Variants in FHIT observed in about 807,000 individuals in gnomAD.
FHIT encodes the protein fragile histidine triad diadenosine triphosphatase, also known as bis(5'-adenosyl)-triphosphatase.
In FHIT, 19 loss-of-function variants were observed where a neutral mutation model predicts 17.9. That is an observed-to-expected ratio of 1.06 (90% CI 0.74 to 1.56). The LOEUF (loss-of-function observed/expected upper bound fraction) is 1.56, where lower values mean the gene tolerates loss of function less well. Among genes scored for constraint, FHIT ranks in the 40% most tolerant of loss-of-function variants. The pLI, the probability that FHIT is intolerant of heterozygous loss-of-function variation, is 0.00. For missense variants in FHIT, 248 were observed against 189.2 expected (o/e 1.31, Z -1.82); for synonymous variants, 81 against 69.7 (o/e 1.16, Z -0.81).
At chr3:60,619,887 G>A (rs2039069473) in intron 4 of FHIT, among the ~76,000 whole-genome samples, 1 of 152,062 alleles carries the variant, frequency 6.6e-6, no homozygotes, top group South Asian at 2.1e-4. Flanking sequence ...ACAAGCCAAA[G>A]GCTAGGAGAA....
chr3:60,944,704 C>T (rs1226743464), intron 3 of FHIT, among the ~76,000 whole-genome samples: 1 of 151,992 alleles, frequency 6.6e-6, no homozygotes, highest in Non-Finnish European at 1.5e-5. Flanking sequence ...AAATGAAAGC[C>T]AAATGATATT....
At chr3:60,983,019 A>G (rs1710558183) in intron 3 of FHIT, among the ~76,000 whole-genome samples, 1 of 151,748 alleles carries the variant, frequency 6.6e-6, no homozygotes, top group Admixed American at 6.6e-5. Context: ...AGTCTCCCCA[A>G]CTCCCCTGAA....
At chr3:60,876,060 T>C (rs1312274286) in intron 3 of FHIT, among the ~76,000 whole-genome samples, 1 of 152,014 alleles carries the variant, frequency 6.6e-6, no homozygotes, top group Non-Finnish European at 1.5e-5. Flanking sequence ...AACATAAATT[T>C]TTGACTTCAT....
intron 4 of FHIT, among the ~76,000 whole-genome samples, chr3:60,681,306 AG>A (rs1553696811): frequency 2.6e-5 from 4 of 152,166 alleles, no homozygotes. Context: ...GCCCAATATA[AG>A]ATGGTGAACT....
chr3:60,534,349 C>A (rs1422129076), intron 5 of FHIT, among the ~76,000 whole-genome samples: 1 of 144,280 alleles, frequency 6.9e-6, no homozygotes, highest in African/African-American at 2.5e-5. Context: ...AGGAGAATGG[C>A]GTGAACCCGG....
intron 3 of FHIT, among the ~76,000 whole-genome samples, chr3:60,939,186 A>C (rs1708312963): frequency 6.6e-6 from 1 of 152,166 alleles, no homozygotes; most frequent in African/African-American, 2.4e-5. Context: ...GCTCATATAC[A>C]GTTTTCCATG....
chr3:60,174,618 C>T (rs1253339034), intron 5 of FHIT, among the ~76,000 whole-genome samples: 1 of 147,722 alleles, frequency 6.8e-6, no homozygotes, highest in Non-Finnish European at 1.5e-5. Flanking sequence ...GATTATAAAT[C>T]TATTTGCTTT....
At chr3:59,755,176 G>A (rs1352769057) in intron 8 of FHIT, among the ~76,000 whole-genome samples, 1 of 152,182 alleles carries the variant, frequency 6.6e-6, no homozygotes, top group Non-Finnish European at 1.5e-5. Flanking sequence ...TGCAAACCTT[G>A]CCCTAGAACT....
intron 5 of FHIT, among the ~76,000 whole-genome samples, chr3:60,254,238 G>A (rs973328690): frequency 6.6e-6 from 1 of 152,152 alleles, no homozygotes; most frequent in African/African-American, 2.4e-5. Context: ...TCAGTATCTT[G>A]AGTGAAATCA....
At chr3:60,307,392 G>A (rs1040518204) in intron 5 of FHIT, among the ~76,000 whole-genome samples, 3 of 152,292 alleles carry the variant, frequency 2.0e-5, no homozygotes, top group African/African-American at 7.2e-5. Context: ...AAGGAAGACA[G>A]TGAGATAATA....
intron 5 of FHIT, among the ~76,000 whole-genome samples, chr3:60,452,836 A>C (rs1252628995): frequency 6.6e-6 from 1 of 152,212 alleles, no homozygotes; most frequent in Non-Finnish European, 1.5e-5. Flanking sequence ...AACTCCAAAT[A>C]AGATAGATTA....
rs2228695 is a variant in FHIT at position 59,776,031 on chromosome 3, C to T, written c.349-23710G>A. 1.4e-3 allele frequency among the ~76,000 whole-genome samples: 218 copies of T among 152,302 alleles called. 1 individual carries two copies. The highest frequency in any genetic ancestry group is 3.4e-3 in the Middle Eastern group (1 of 294). Reference sequence around the variant, plus strand: ...GTGAGCTAACACAGCCAAAGTTTGGCGCTGTCACCTCGAAAATGAATTCGA... The same window carrying T: ...GTGAGCTAACACAGCCAAAGTTTGGTGCTGTCACCTCGAAAATGAATTCGA... On this transcript the variant is annotated intron_variant, in intron 8 of 9. Coordinates refer to ENST00000492590, the MANE Select transcript of FHIT (RefSeq NM_002012.4).
At chr3:60,485,807 C>G (rs548858889) in intron 5 of FHIT, among the ~76,000 whole-genome samples, 2 of 152,074 alleles carry the variant, frequency 1.3e-5, no homozygotes, top group Non-Finnish European at 2.9e-5. Context: ...ATGGACAACT[C>G]TCTAGAATCA....
rs1553706124 is a variant in FHIT at position 60,714,456 on chromosome 3, A to G, written c.-18+107463T>C. On this transcript the variant is annotated intron_variant, in intron 4 of 9. Coordinates refer to ENST00000492590, the MANE Select transcript of FHIT (RefSeq NM_002012.4). ...CAGGGCAATTAGGCAGGAGGAGGAA[A>G]TAAAGGGTATTCAATTAGGAAAAGA... 2.6e-5 allele frequency among the ~76,000 whole-genome samples: 4 copies of G among 152,190 alleles called. No individual in the cohort carries two copies. In the South Asian group the frequency reaches 6.2e-4, roughly 24 times the overall value.
At chr3:60,632,648 C>A (rs370423585) in intron 4 of FHIT, among the ~76,000 whole-genome samples, 2 of 152,108 alleles carry the variant, frequency 1.3e-5, no homozygotes, top group African/African-American at 2.4e-5. Context: ...AACAAGCTAA[C>A]GCCATAATTT....
chr3:60,562,266 G>C (rs75670762), intron 4 of FHIT, among the ~76,000 whole-genome samples: 6,782 of 152,246 alleles, frequency 0.045, 502 homozygotes, highest in African/African-American at 0.15. Flanking sequence ...GAACAAAACA[G>C]ACAGTCTCTA....
intron 2 of FHIT, among the ~76,000 whole-genome samples, chr3:61,061,842 C>T (rs2034442264): frequency 6.6e-6 from 1 of 152,132 alleles, no homozygotes; most frequent in African/African-American, 2.4e-5. Context: ...TCTTCTTTTT[C>T]CCATCCCTCT....
At chr3:60,619,850 G>A (rs2156974) in intron 4 of FHIT, among the ~76,000 whole-genome samples, 71,530 of 151,902 alleles carry the variant, frequency 0.47, 17,024 homozygotes, top group South Asian at 0.54. Context: ...ACGTCTCCTT[G>A]ATATAAGACA....
intron 4 of FHIT, among the ~76,000 whole-genome samples, chr3:60,738,520 C>G (rs149400044): frequency 2.4e-4 from 36 of 152,320 alleles, no homozygotes; most frequent in Non-Finnish European, 3.5e-4. Flanking sequence ...TCAGAAGGAC[C>G]TGCTTTACCG....
Sources: gnomAD v4.1 joint callset for allele counts (sites outside exome capture counted in the v4.1 genomes callset) on GRCh38, gnomAD v4.1.1 for gene constraint, MANE v1.5 for transcripts, NCBI Gene and HGNC (gene_info 2026-07-23, HGNC 2026-07-21) for gene names.